CAMTA2: variants seen among roughly 807,000 people sequenced by gnomAD.
CAMTA2 encodes calmodulin binding transcription activator 2, also known as calmodulin-binding transcription activator 2.
Under a neutral mutation model 135.7 loss-of-function variants are expected in CAMTA2, and 56 were observed. That is an observed-to-expected ratio of 0.41 (90% confidence interval 0.33 to 0.52). CAMTA2 has a LOEUF of 0.52. Among genes scored for constraint, CAMTA2 ranks in the 20% least tolerant of loss-of-function variants. CAMTA2 has a pLI of 0.16. For missense variants in CAMTA2, 1,358 were observed against 1,553.4 expected (o/e 0.87, Z 2.11); for synonymous variants, 591 against 604.6 (o/e 0.98, Z 0.33).
At chr17:4,973,892 CT>C (rs750127265) in intron 12 of CAMTA2, 123 bp from the exon 13 acceptor site, 2 of 757,156 alleles carry the variant, frequency 2.6e-6, no homozygotes, top group Non-Finnish European at 4.2e-6. Context: ...ATGTCCCACT[CT>C]AGGATCCCAT....
intron 7 of CAMTA2, 32 bp downstream of exon 7, chr17:4,981,646 C>T (rs1371327275): frequency 1.3e-6 from 2 of 1,559,612 alleles, no homozygotes; most frequent in Non-Finnish European, 8.7e-7. Context: ...CTACTCTCCC[C>T]TTGGAGCTCT....
chr17:4,978,712 G>A lies in CAMTA2; in HGVS notation c.1639-82C>T, dbSNP rs1972778818. On this transcript the variant is annotated intron_variant, in intron 9 of 22. Coordinates refer to ENST00000348066, the MANE Select transcript of CAMTA2 (RefSeq NM_015099.4). ...ATTCATTTATTCAGACCCTTACAGGGTATCTACTATATGGCAGGTCCTGTG... is the reference window on the plus strand; with the variant it reads ...ATTCATTTATTCAGACCCTTACAGGATATCTACTATATGGCAGGTCCTGTG... 6 of 1,497,520 alleles carry A rather than the reference G, an allele frequency of 4.0e-6. No homozygotes were observed. In the Admixed American group the frequency reaches 5.4e-5, roughly 14 times the overall value. 92.8% of individuals were successfully genotyped at this position (1,497,520 alleles called of 1,614,324 possible). A position where few individuals can be genotyped will look rare whatever the true frequency, so the allele number is the denominator to read the frequency against.
chr17:4,974,164 G>T, intron 12 of CAMTA2: 1 of 561,242 alleles, frequency 1.8e-6, no homozygotes, highest in East Asian at 3.1e-5. Flanking sequence ...CCCTTCTTCA[G>T]ACCAGAAATA....
intron 16 of CAMTA2, among the ~76,000 whole-genome samples, chr17:4,971,254 A>G (rs1349982620): frequency 1.3e-5 from 2 of 151,722 alleles, no homozygotes; most frequent in African/African-American, 4.8e-5. Flanking sequence ...TCTCCACACA[A>G]CTCCCAGCTG....
In CAMTA2 at chr17:4,968,643, A is replaced by G; in HGVS notation, c.*113T>C. On this transcript the variant is annotated 3_prime_UTR_variant, in exon 23 of 23. Coordinates refer to ENST00000348066, the MANE Select transcript of CAMTA2 (RefSeq NM_015099.4). ...AGGGAGGAGGCCTACAGAGGGCTCC[A>G]ACAAAGGTGAACAGGAAAGCTGCCG... The G allele has an allele frequency of 8.0e-7, 1 of 1,243,704 alleles. No homozygotes were observed. The highest frequency in any genetic ancestry group is 1.2e-5 in the South Asian group (1 of 81,616). The allele number at this position is 1,243,704 out of a possible 1,614,324, so 77.0% of individuals were successfully genotyped here.
intron 1 of CAMTA2, 145 bp from the exon 2 acceptor site, chr17:4,986,431 A>G (rs1973306234): frequency 1.7e-6 from 1 of 595,850 alleles, no homozygotes; most frequent in Non-Finnish European, 3.0e-6. Flanking sequence ...GTGATGTGAC[A>G]GTAGAAGAGA....
rs1454714302 is a variant in CAMTA2, at chr17:4,987,617, C to T, written c.-89G>A. 1.3e-6 allele frequency: 2 copies of T among 1,527,584 alleles called. No homozygotes were observed. The highest frequency in any genetic ancestry group is 1.4e-5 in the African/African-American group (1 of 71,820). The allele number at this position is 1,527,584 out of a possible 1,614,324, so 94.6% of individuals were successfully genotyped here. On this transcript the variant is annotated 5_prime_UTR_variant, in exon 1 of 23. Coordinates refer to ENST00000348066, the MANE Select transcript of CAMTA2 (RefSeq NM_015099.4). ...CCTCCCGGGGTCCCGCGGGTGACGGCGGCAGCGGCCATTCTACCCCACACC... is the reference window on the plus strand; with the variant it reads ...CCTCCCGGGGTCCCGCGGGTGACGGTGGCAGCGGCCATTCTACCCCACACC...
In CAMTA2 at chr17:4,979,889, G is replaced by A. The variant is rs756160547; in HGVS notation, c.1433C>T (p.Pro478Leu). The change falls in exon 9 of 23, where the codon CCG (proline) becomes CTG (leucine). Residue 478 changes from proline to leucine, a missense_variant. Physicochemically the swap from Pro to Leu is moderately conservative, Grantham distance 98 (BLOSUM62 -3). This residue lies in a region of CAMTA2 where 1,077 missense variants were observed against 1,127.5 expected (regional missense o/e 0.96). Transcript: ENST00000348066. ...CTCTCCTCTTCCTACCCTGCTTGACGGCTCCAAGGGGGCAGGTGAGGGTGG... is the reference window on the plus strand; with the variant it reads ...CTCTCCTCTTCCTACCCTGCTTGACAGCTCCAAGGGGGCAGGTGAGGGTGG... ...SPPPSPAPLEPSSRVGRGEAL... is the reference protein window; with the variant it reads ...SPPPSPAPLELSSRVGRGEAL... 13 of 1,613,314 alleles carry A rather than the reference G, an allele frequency of 8.1e-6. No homozygotes were observed. The highest frequency in any genetic ancestry group is 5.5e-5 in the South Asian group (5 of 91,028).
intron 17 of CAMTA2, 72 bp from the exon 18 acceptor site, chr17:4,970,157 G>A (rs762145165): frequency 1.7e-5 from 25 of 1,501,118 alleles, no homozygotes; most frequent in East Asian, 1.1e-4. Context: ...GGATGGCTAC[G>A]AAGGAAAACC....
At chr17:4,976,807 T>C (rs1020571180) in intron 11 of CAMTA2, among the ~76,000 whole-genome samples, 1 of 152,076 alleles carries the variant, frequency 6.6e-6, no homozygotes, top group Non-Finnish European at 1.5e-5. Flanking sequence ...CTTCCTTGTC[T>C]AGATTCCACC....
At chr17:4,982,281 C>T (rs896507656) in intron 5 of CAMTA2, 121 bp from the exon 6 acceptor site, 6 of 730,038 alleles carry the variant, frequency 8.2e-6, no homozygotes, top group Non-Finnish European at 1.2e-5. Context: ...TTCCCCCACC[C>T]TCGCCCCCAC....
intron 3 of CAMTA2, among the ~76,000 whole-genome samples, chr17:4,985,271 T>C (rs1168726141): frequency 1.3e-5 from 2 of 152,256 alleles, no homozygotes; most frequent in African/African-American, 4.8e-5. Context: ...TAACAGGGCT[T>C]GCTCTATAGA....
At position 4,968,944 on chromosome 17, in the gene CAMTA2, G is replaced by A. The variant is rs563053214; in HGVS notation, c.3508C>T (p.Arg1170Trp). 6.2e-7 allele frequency: 1 copy of A among 1,614,160 alleles called. No individual in the cohort carries two copies. The highest frequency in any genetic ancestry group is 1.1e-5 in the South Asian group (1 of 91,070). ...CGCCGCAGGAATCTCATGATCTTCC[G>A]GGCTGCCTGGTCCTGCTTCTTGGTG... The part of the protein sequence containing the change: ...FLTKKQDQAA[R>W]KIMRFLRRCR... Residue 1170 changes from arginine (R) to tryptophan (W), a missense_variant, in exon 22 of 23, where the codon CGG (arginine) becomes TGG (tryptophan). By Grantham distance (101) the Arg-to-Trp change is moderately radical. Coordinates refer to ENST00000348066, the MANE Select transcript of CAMTA2 (RefSeq NM_015099.4).
At chr17:4,974,308 T>C in intron 12 of CAMTA2, 77 bp downstream of exon 12, 2 of 908,108 alleles carry the variant, frequency 2.2e-6, no homozygotes, top group Non-Finnish European at 3.7e-6. Flanking sequence ...AGGAGAGTCA[T>C]GGGCACTAGA....
In CAMTA2 at chr17:4,986,747, CTGTT is replaced by C. The variant is rs1372168013; in HGVS notation, c.-64-465_-64-462del. The C allele has an allele frequency of 2.3e-5, 13 of 555,278 alleles. No individual in the cohort carries two copies. The Middle Eastern group carries it at 8.0e-4, about 34-fold the overall frequency. 34.4% of individuals were successfully genotyped at this position (555,278 alleles called of 1,614,324 possible). ...AGAAGACACGCCCTGAGTTCCTTCT[CTGTT>C]TGATTTTTCCAAGGGGAAGGGCAGA... On this transcript the variant is annotated intron_variant, in intron 1 of 22. Coordinates refer to ENST00000348066, the MANE Select transcript of CAMTA2 (RefSeq NM_015099.4).
In CAMTA2 at chr17:4,968,710, G is replaced by A; in HGVS notation, c.*46C>T. 1 of 1,612,104 alleles carries A rather than the reference G, an allele frequency of 6.2e-7. No homozygotes were observed. The highest frequency in any genetic ancestry group is 8.5e-7 in the Non-Finnish European group (1 of 1,179,108). ...CCCCAGAAAGCCCTCTCCCTGTTAA[G>A]ACTGCACGAGGCGCCCCCAGGGTGG... On this transcript the variant is annotated 3_prime_UTR_variant, in exon 23 of 23. Transcript: ENST00000348066.
chr17:4,972,909 G>C lies in CAMTA2; in HGVS notation c.2363C>G (p.Ser788Cys), dbSNP rs1972391645. ...WNRQALSIPD[S>C]LGRLPLSVAH... The stretch of plus-strand genomic sequence containing the variant: ...CACAGACAATGGCAGACGGCCCAGA[G>C]AGTCGGGAATGCTCAGTGCCTGTCG... Residue 788 changes from serine to cysteine, a missense_variant, in exon 15 of 23, where the codon TCT (serine) becomes TGT (cysteine). By Grantham distance (112) the Ser-to-Cys change is moderately radical. Around this residue, in one of 4 missense-constraint regions of CAMTA2, gnomAD observed 1,077 missense variants for 1,127.5 expected, o/e 0.96. Transcript: ENST00000348066. The C allele has an allele frequency of 6.2e-7, 1 of 1,613,912 alleles. No individual in the cohort carries two copies. The highest frequency in any genetic ancestry group is 8.5e-7 in the Non-Finnish European group (1 of 1,180,022).
rs760014376 is a variant in CAMTA2, at chr17:4,972,575, A to C, written c.2504-39T>G. 82 of 1,581,210 alleles carry C rather than the reference A, an allele frequency of 5.2e-5. 1 individual carries two copies. In the Middle Eastern group the frequency reaches 5.7e-4, roughly 11 times the overall value. ...GAAGAGAGTGAGGGCAGCCGGAGCC[A>C]CGGCCATCCCTCGCTCAAGTCTCCT... is the stretch of plus-strand genomic sequence containing the variant. On this transcript the variant is annotated intron_variant, in intron 15 of 22. Transcript: ENST00000348066.
At chr17:4,974,752 A>G (rs1972515332) in intron 11 of CAMTA2, 5 of 401,470 alleles carry the variant, frequency 1.2e-5, no homozygotes, top group South Asian at 1.0e-4. Flanking sequence ...TTCAAGGTAC[A>G]GAGGTAGTAG....
Sources: allele counts gnomAD v4.1 joint callset (sites outside exome capture counted in the v4.1 genomes callset), GRCh38; gene constraint gnomAD v4.1.1; regional missense constraint gnomAD v4.1.1; transcripts MANE v1.5; gene names NCBI Gene and HGNC (gene_info 2026-07-23, HGNC 2026-07-21).